The following DNAH8 variants were observed in gnomAD, a reference collection of about 807,000 sequenced individuals.
DNAH8 encodes axonemal beta dynein heavy chain 8.
In DNAH8, 382 loss-of-function variants were observed where a neutral mutation model predicts 562.1. That is an observed-to-expected ratio of 0.68 (90% CI 0.63 to 0.74). The LOEUF (loss-of-function observed/expected upper bound fraction) is 0.74, where lower values mean the gene tolerates loss of function less well. Among genes scored for constraint, DNAH8 ranks in the 30% least tolerant of loss-of-function variants. The probability of loss-of-function intolerance (pLI) is 0.00; values close to 1 mark genes in which losing one functional copy is unlikely to be tolerated. For missense variants in DNAH8, 5,203 were observed against 5,620.4 expected (o/e 0.93, Z 2.37); for synonymous variants, 1,881 against 1,919.4 (o/e 0.98, Z 0.52).
chr6:38,926,166 G>C lies in DNAH8; in HGVS notation c.11074G>C (p.Gly3692Arg). The stretch of plus-strand genomic sequence containing the variant: ...ACTCCTCATAGACCCACAAACTCAA[G>C]GCAAAACTTGGATTAAATCAAAGGA... ...YPLLIDPQTQGKTWIKSKEKE... is the reference protein window; with the variant it reads ...YPLLIDPQTQRKTWIKSKEKE... The change falls in exon 74 of 93, where the codon GGC becomes CGC. Residue 3692 changes from glycine to arginine, a missense_variant. Physicochemically the swap from Gly to Arg is moderately radical, Grantham distance 125. This residue lies in a region of DNAH8 where 1,399 missense variants were observed against 1,518.4 expected (regional missense o/e 0.92). Transcript: ENST00000327475. 1 of 1,613,588 alleles carries C rather than the reference G, an allele frequency of 6.2e-7. No homozygotes were observed. The highest frequency in any genetic ancestry group is 8.5e-7 in the Non-Finnish European group (1 of 1,179,712).
At chr6:38,751,617 A>G (rs1043367487) in intron 9 of DNAH8, among the ~76,000 whole-genome samples, 5 of 152,230 alleles carry the variant, frequency 3.3e-5, no homozygotes, top group Non-Finnish European at 7.3e-5. Flanking sequence ...TACTCTTCTC[A>G]TAATATTTCC....
At chr6:38,715,616 C>T (rs1213190291) in intron 1 of DNAH8, among the ~76,000 whole-genome samples, 2 of 152,184 alleles carry the variant, frequency 1.3e-5, no homozygotes, top group African/African-American at 4.8e-5. Context: ...TCAGTCTCTA[C>T]ACTGGACATC....
At chr6:38,717,888 A>C (rs370924646) in intron 1 of DNAH8, among the ~76,000 whole-genome samples, 2 of 152,336 alleles carry the variant, frequency 1.3e-5, no homozygotes, top group African/African-American at 4.8e-5. Context: ...GAAACAAAAA[A>C]ATGCTGCATA....
intron 88 of DNAH8, among the ~76,000 whole-genome samples, chr6:38,992,971 A>T (rs1300793362): frequency 6.6e-6 from 1 of 152,062 alleles, no homozygotes; most frequent in East Asian, 1.9e-4. Flanking sequence ...ATATCTCTGT[A>T]TGCTTATGTA....
chr6:38,828,063 C>T (rs1471089836), intron 29 of DNAH8, 121 bp from the exon 30 acceptor site: 3 of 680,264 alleles, frequency 4.4e-6, no homozygotes, highest in Non-Finnish European at 5.0e-6. Context: ...ATTTTGGAAA[C>T]CACTTTTCTA....
chr6:38,951,627 A>T, intron 82 of DNAH8, 107 bp downstream of exon 82: 1 of 941,336 alleles, frequency 1.1e-6, no homozygotes, highest in Admixed American at 2.2e-5. Flanking sequence ...TGTAAAACTG[A>T]ATTCGAAAAA....
chr6:38,828,851 A>G (rs1306227258), intron 30 of DNAH8, among the ~76,000 whole-genome samples: 1 of 152,154 alleles, frequency 6.6e-6, no homozygotes, highest in Non-Finnish European at 1.5e-5. Flanking sequence ...TTATCACCCC[A>G]CAAAGGAAAC....
chr6:39,029,234 T>G (rs1379243401), intron 92 of DNAH8, among the ~76,000 whole-genome samples: 1 of 151,816 alleles, frequency 6.6e-6, no homozygotes, highest in Non-Finnish European at 1.5e-5. Flanking sequence ...GCCCTGCCTT[T>G]CTTTGTAGTG....
At chr6:39,012,692 A>G in intron 91 of DNAH8, 55 bp downstream of exon 91, 1 of 1,356,706 alleles carries the variant, frequency 7.4e-7, no homozygotes, top group Non-Finnish European at 1.1e-6. Context: ...GTTGGATAGT[A>G]GCATCGTGTG....
intron 76 of DNAH8, 83 bp downstream of exon 76, chr6:38,932,076 G>A (rs1318455305): frequency 3.2e-4 from 347 of 1,076,446 alleles, no homozygotes; most frequent in South Asian, 1.7e-3. Context: ...ATGTGAAAAA[G>A]AAAAAAAAAT....
At chr6:39,021,984 C>T (rs560943122) in intron 91 of DNAH8, among the ~76,000 whole-genome samples, 1 of 152,270 alleles carries the variant, frequency 6.6e-6, no homozygotes, top group South Asian at 2.1e-4. Context: ...AAACAACAGC[C>T]GTGAGTGTGT....
At chr6:38,882,283 T>G (rs1387807085) in intron 53 of DNAH8, among the ~76,000 whole-genome samples, 2 of 152,216 alleles carry the variant, frequency 1.3e-5, no homozygotes, top group Non-Finnish European at 2.9e-5. Flanking sequence ...GCAGCACTAT[T>G]CACAATAGCA....
intron 13 of DNAH8, among the ~76,000 whole-genome samples, chr6:38,777,728 G>A (rs1046657702): frequency 1.1e-4 from 17 of 152,206 alleles, no homozygotes; most frequent in African/African-American, 3.4e-4. Flanking sequence ...CACCACTCTG[G>A]GCCAATGGTG....
Position 38,845,649 on chromosome 6 carries a change from CA to C in DNAH8, c.4925del (p.Asn1642IlefsTer2). The part of the protein sequence containing the change: ...LTQVIENWTN[Q>X]NLSFAAFKGK... Reference sequence around the variant, plus strand: ...TCAGGTGATTGAGAATTGGACCAACCAAAATCTGAGTTTTGCAGCATTTAAG... The same window carrying C: ...TCAGGTGATTGAGAATTGGACCAACCAAATCTGAGTTTTGCAGCATTTAAG... On this transcript the variant is annotated frameshift_variant, in exon 36 of 93. Transcript: ENST00000327475. LOFTEE classifies it high-confidence loss of function. The C allele has an allele frequency of 6.2e-7, 1 of 1,613,860 alleles. No individual in the cohort carries two copies. Among genetic ancestry groups the C allele is most frequent in the Non-Finnish European group, 8.5e-7 (1 of 1,179,848 alleles).
intron 82 of DNAH8, 98 bp from the exon 83 acceptor site, chr6:38,971,487 TAGAAACA>T: frequency 1.5e-6 from 1 of 653,804 alleles, no homozygotes; most frequent in Non-Finnish European, 2.3e-6. Flanking sequence ...TTTTTTTTTT[TAGAAACA>T]ATAGAAGGAG....
At chr6:38,864,823 C>T (rs1776920052) in intron 45 of DNAH8, among the ~76,000 whole-genome samples, 1 of 152,180 alleles carries the variant, frequency 6.6e-6, no homozygotes, top group Non-Finnish European at 1.5e-5. Flanking sequence ...AGCTGACTTA[C>T]CTGAGGCTCA....
chr6:38,730,079 T>A, intron 4 of DNAH8, 93 bp downstream of exon 4: 1 of 622,518 alleles, frequency 1.6e-6, no homozygotes, highest in Non-Finnish European at 2.8e-6. Context: ...AATCCTTTAT[T>A]TATAAAGAAA....
intron 70 of DNAH8, among the ~76,000 whole-genome samples, chr6:38,919,723 C>G (rs1481613633): frequency 6.6e-6 from 1 of 152,076 alleles, no homozygotes; most frequent in Non-Finnish European, 1.5e-5. Context: ...ATACTGGAAA[C>G]TTTACATTAA....
chr6:38,753,888 A>G (rs563445945), intron 9 of DNAH8, among the ~76,000 whole-genome samples: 2 of 152,224 alleles, frequency 1.3e-5, no homozygotes, highest in African/African-American at 2.4e-5. Flanking sequence ...TGACAGAAGT[A>G]CTAATAGCAT....
Sources: allele counts gnomAD v4.1 joint callset (sites outside exome capture counted in the v4.1 genomes callset), GRCh38; gene constraint gnomAD v4.1.1; regional missense constraint gnomAD v4.1.1; transcripts MANE v1.5; gene names NCBI Gene and HGNC (gene_info 2026-07-23, HGNC 2026-07-21).